The following INSL6 variants were observed in gnomAD, a reference collection of about 807,000 sequenced individuals.
The protein encoded by INSL6 is insulin like 6, also known as insulin-like peptide INSL6.
In INSL6, 16 loss-of-function variants were observed where a neutral mutation model predicts 9.4. The ratio of observed to expected loss-of-function variants is 1.70; its 90% CI spans 1.15 to 2.59. The LOEUF (loss-of-function observed/expected upper bound fraction) is 2.59, where lower values mean the gene tolerates loss of function less well. Ranked by LOEUF, INSL6 falls within the 30% of genes most tolerant of loss-of-function variation. INSL6 has a pLI of 0.00. For missense variants in INSL6, 391 were observed against 257.3 expected, an observed-to-expected ratio of 1.52 and a Z score of -3.56; for synonymous variants, 154 against 96.9, an observed-to-expected ratio of 1.59 and a Z score of -3.46.
chr9:5,044,387 T>C, the INSL6 span: 1 of 1,536,302 alleles, frequency 6.5e-7, no homozygotes, highest in Non-Finnish European at 9.0e-7. Context: ...GACCAAATGT[T>C]TTTATTATCT....
chr9:5,091,885 T>G, the INSL6 span, among the ~76,000 whole-genome samples: 3 of 152,228 alleles, frequency 2.0e-5, no homozygotes, highest in Admixed American at 1.3e-4. Context: ...GTAAGAGACC[T>G]AGGGTGGTTA....
At chr9:5,069,978 T>C in the INSL6 span, 1 of 1,608,024 alleles carries the variant, frequency 6.2e-7, no homozygotes, top group South Asian at 1.1e-5. Context: ...TGTACCAACC[T>C]CACCAACATT....
At chr9:5,065,011 T>C in the INSL6 span, 2 of 1,602,776 alleles carry the variant, frequency 1.2e-6, no homozygotes, top group East Asian at 2.3e-5. Context: ...TGCTTGAAAA[T>C]ATACAAAGCA....
At chr9:5,104,640 G>A in the INSL6 span, among the ~76,000 whole-genome samples, 58,625 of 152,054 alleles carry the variant, frequency 0.39, 15,192 homozygotes, top group African/African-American at 0.75. Context: ...CCTGATGAAC[G>A]TCGATGTGAA....
chr9:5,070,148 T>C, the INSL6 span: 3 of 805,218 alleles, frequency 3.7e-6, no homozygotes, highest in Non-Finnish European at 5.4e-6. Context: ...ATTATTTTGT[T>C]ATATACAAAT....
downstream of INSL6, among the ~76,000 whole-genome samples, chr9:5,158,921 T>C (rs1468561698): frequency 6.6e-6 from 1 of 151,964 alleles, no homozygotes; most frequent in East Asian, 1.9e-4. Flanking sequence ...ATCATCAAAA[T>C]AATGACTACA....
At chr9:5,173,594 C>A (rs892995254) in intron 1 of INSL6, among the ~76,000 whole-genome samples, 72 of 151,238 alleles carry the variant, frequency 4.8e-4, no homozygotes, top group African/African-American at 1.7e-3. Flanking sequence ...AAAAAACACA[C>A]AATGGGGCCT....
the INSL6 span, among the ~76,000 whole-genome samples, chr9:5,011,635 C>T: frequency 3.4e-5 from 5 of 147,116 alleles, no homozygotes; most frequent in Admixed American, 6.9e-5. Flanking sequence ...GCTTTGGGTC[C>T]ATTTCTATTA....
the INSL6 span, among the ~76,000 whole-genome samples, chr9:5,104,265 A>G: frequency 2.0e-5 from 3 of 152,234 alleles, no homozygotes; most frequent in Non-Finnish European, 4.4e-5. Flanking sequence ...ACAAACTACC[A>G]TCAGAGAATA....
chr9:5,145,825 T>G (rs972800424), intron 2 of INSL6, among the ~76,000 whole-genome samples: 1 of 152,240 alleles, frequency 6.6e-6, no homozygotes, highest in South Asian at 2.1e-4. Flanking sequence ...TTTTCTAGAC[T>G]GGCTATTTTG....
At chr9:5,055,632 T>C in the INSL6 span, 259 of 1,484,848 alleles carry the variant, frequency 1.7e-4, no homozygotes, top group Middle Eastern at 6.2e-4. Context: ...CTCTGTAAAT[T>C]CTACCCGTTT....
chr9:5,075,114 G>A, the INSL6 span, among the ~76,000 whole-genome samples: 19 of 152,032 alleles, frequency 1.2e-4, no homozygotes, highest in Non-Finnish European at 2.1e-4. Flanking sequence ...AGAGAGGTGA[G>A]GAAGCTGCAG....
the INSL6 span, among the ~76,000 whole-genome samples, chr9:5,102,651 G>C: frequency 4.6e-5 from 7 of 152,110 alleles, no homozygotes; most frequent in Non-Finnish European, 8.8e-5. Flanking sequence ...GAGAAATGTC[G>C]GGTTGCCCAC....
At chr9:5,114,764 C>T in the INSL6 span, 1 of 327,990 alleles carries the variant, frequency 3.0e-6, no homozygotes, top group African/African-American at 2.2e-5. Context: ...CAGCGACTGG[C>T]TCACAGACCG....
intron 2 of INSL6, among the ~76,000 whole-genome samples, chr9:5,153,921 C>T (rs146482438): frequency 1.8e-4 from 27 of 152,308 alleles, no homozygotes; most frequent in Middle Eastern, 3.4e-3. Context: ...AGATTCAATG[C>T]TATCACCATC....
chr9:4,996,928 C>CTTTTTTTTTTTT, the INSL6 span, among the ~76,000 whole-genome samples: 1 of 94,706 alleles, frequency 1.1e-5, no homozygotes, highest in Non-Finnish European at 2.0e-5. Flanking sequence ...TTAGTTTGTT[C>CTTTTTTTTTTTT]TTTTTTTTTT....
chr9:5,041,622 C>T, the INSL6 span: 4 of 496,934 alleles, frequency 8.0e-6, no homozygotes, highest in Admixed American at 4.7e-5. Context: ...CTACATGCGG[C>T]GCCTGGACTT....
chr9:5,061,487 C>G, the INSL6 span, among the ~76,000 whole-genome samples: 1 of 152,222 alleles, frequency 6.6e-6, no homozygotes, highest in Admixed American at 6.5e-5. Flanking sequence ...CACATGGCTT[C>G]TTTTCTTAAA....
chr9:5,069,860 C>A, the INSL6 span: 3 of 1,080,134 alleles, frequency 2.8e-6, no homozygotes, highest in East Asian at 2.7e-5. Context: ...CATTTTACTC[C>A]TCTTTGGAGC....
Sources: gnomAD v4.1 joint callset for allele counts (sites outside exome capture counted in the v4.1 genomes callset) on GRCh38, gnomAD v4.1.1 for gene constraint, MANE v1.5 for transcripts, NCBI Gene and HGNC (gene_info 2026-07-23, HGNC 2026-07-21) for gene names.